The following MTMR3 variants were observed in gnomAD, a reference collection of about 807,000 sequenced individuals.
The protein encoded by MTMR3 is phosphatidylinositol-3,5-bisphosphate 3-phosphatase MTMR3.
A neutral mutation model predicts 132.4 loss-of-function variants in MTMR3; 32 were observed. The observed-to-expected ratio is 0.24, with a 90% confidence interval of 0.18 to 0.32. MTMR3 has a LOEUF of 0.32. MTMR3 is among the 10% of genes least tolerant of loss of function. The probability of loss-of-function intolerance (pLI) is 1.00; values close to 1 mark genes in which losing one functional copy is unlikely to be tolerated. For missense variants in MTMR3, 1,216 were observed against 1,489.6 expected, an observed-to-expected ratio of 0.82 and a Z score of 3.02; for synonymous variants, 556 against 550.3, an observed-to-expected ratio of 1.01 and a Z score of -0.14.
intron 17 of MTMR3, 141 bp downstream of exon 17, chr22:30,021,025 C>A: frequency 1.2e-6 from 1 of 851,176 alleles, no homozygotes; most frequent in Non-Finnish European, 1.8e-6. Flanking sequence ...TTAAGAGAGG[C>A]TGGAGATGAG....
intron 12 of MTMR3, chr22:30,009,418 G>T: frequency 3.1e-6 from 1 of 320,890 alleles, no homozygotes; most frequent in Non-Finnish European, 5.8e-6. Flanking sequence ...TTACCTTACT[G>T]TTTGTCCTGG....
intron 1 of MTMR3, among the ~76,000 whole-genome samples, chr22:29,900,377 C>T (rs765755259): frequency 2.0e-5 from 3 of 151,954 alleles, no homozygotes; most frequent in Admixed American, 1.3e-4. Flanking sequence ...GTGAAATTCA[C>T]GTAAAATAAT....
At chr22:29,930,887 G>C (rs1011297909) in intron 1 of MTMR3, among the ~76,000 whole-genome samples, 1 of 151,588 alleles carries the variant, frequency 6.6e-6, no homozygotes. Context: ...CGTGTGAATA[G>C]TGCCAGCTAC....
At chr22:30,021,750 T>G in intron 17 of MTMR3, 3 of 379,446 alleles carry the variant, frequency 7.9e-6, no homozygotes, top group East Asian at 4.7e-5. Flanking sequence ...TCTCATTCCA[T>G]TTTGGTCACT....
In MTMR3 at chr22:29,946,978, T is replaced by C. The variant is rs2065965538; in HGVS notation, c.-137-10058T>C. ...CCATTGAAAAAATAACTATATGCTTTAGAATATAGGGTTTAGGTTAGATTG... is the reference window on the plus strand; with the variant it reads ...CCATTGAAAAAATAACTATATGCTTCAGAATATAGGGTTTAGGTTAGATTG... On this transcript the variant is annotated intron_variant, in intron 1 of 19. Coordinates refer to ENST00000401950, the MANE Select transcript of MTMR3 (RefSeq NM_021090.4). Among the ~76,000 whole-genome samples the C allele has an allele frequency of 2.6e-5, 4 of 152,202 alleles. No homozygotes were observed. The South Asian group carries it at 8.3e-4, about 32-fold the overall frequency.
At position 29,949,154 on chromosome 22, in the gene MTMR3, C is replaced by A. The variant is rs1255241563; in HGVS notation, c.-137-7882C>A. On this transcript the variant is annotated intron_variant, in intron 1 of 19. Transcript: ENST00000401950. The stretch of plus-strand genomic sequence containing the variant: ...ACACACACACACACACCCCCCCCCC[C>A]CCCCCCGAGGCCCTGTCTTAAAACA... 6.7e-3 allele frequency among the ~76,000 whole-genome samples: 552 copies of A among 82,146 alleles called. 34 individuals are homozygous for A. Among genetic ancestry groups the A allele is most frequent in the African/African-American group, 0.022 (479 of 21,472 alleles). 53.9% of individuals were successfully genotyped at this position (82,146 alleles called of 152,430 possible).
chr22:29,985,828 AT>A (rs1383085384), intron 5 of MTMR3: 1 of 152,224 alleles, frequency 6.6e-6, no homozygotes, highest in African/African-American at 2.4e-5. Context: ...AGAAAAAAAT[AT>A]GTATATATTG....
chr22:29,952,949 AAAAT>A (rs1415137494), intron 1 of MTMR3, among the ~76,000 whole-genome samples: 1 of 152,228 alleles, frequency 6.6e-6, no homozygotes, highest in Non-Finnish European at 1.5e-5. Flanking sequence ...CAAGCTGAAA[AAAAT>A]CACCTAAAAT....
At chr22:29,991,447 T>TA in intron 6 of MTMR3, 57 bp from the exon 7 acceptor site, 1 of 1,502,984 alleles carries the variant, frequency 6.7e-7, no homozygotes, top group Non-Finnish European at 8.9e-7. Context: ...TGGCTTTTCT[T>TA]ACATTTCATT....
In MTMR3 at chr22:30,016,601, A is replaced by C. The variant is rs912146302; in HGVS notation, c.1577A>C (p.Glu526Ala). Residue 526 changes from glutamate to alanine, a missense_variant, in exon 15 of 20, where the codon GAA becomes GCA. Coordinates refer to ENST00000401950, the MANE Select transcript of MTMR3 (RefSeq NM_021090.4). ...TGCAACAACGCCAAGGAGAGAGGGG[A>C]AAAGCATACTCAGGAACGGACATGT... ...FLCNNAKERG[E>A]KHTQERTCSV... The C allele has an allele frequency of 2.0e-5, 32 of 1,614,054 alleles. No homozygotes were observed. Among genetic ancestry groups the C allele is most frequent in the Non-Finnish European group, 2.7e-5 (32 of 1,180,040 alleles).
chr22:29,981,667 C>T (rs2066746512), intron 5 of MTMR3: 1 of 151,524 alleles, frequency 6.6e-6, no homozygotes, highest in Non-Finnish European at 1.5e-5. Flanking sequence ...AACCCCATCT[C>T]TACTAAAAAT....
At chr22:29,939,653 GTTTTA>G (rs930834614) in intron 1 of MTMR3, among the ~76,000 whole-genome samples, 1 of 151,742 alleles carries the variant, frequency 6.6e-6, no homozygotes, top group Non-Finnish European at 1.5e-5. Context: ...TTACTTGACT[GTTTTA>G]TAAAATAAGA....
intron 1 of MTMR3, among the ~76,000 whole-genome samples, chr22:29,925,263 G>A (rs2065493197): frequency 6.6e-6 from 1 of 152,068 alleles, no homozygotes; most frequent in Non-Finnish European, 1.5e-5. Flanking sequence ...ACACTCCTGG[G>A]CTCAAGCAGT....
Position 30,020,125 on chromosome 22 carries a change from C to G in MTMR3, c.2466C>G (p.Thr822=). 1 of 1,614,208 alleles carries G rather than the reference C, an allele frequency of 6.2e-7. No individual in the cohort carries two copies. The highest frequency in any genetic ancestry group is 8.5e-7 in the Non-Finnish European group (1 of 1,180,046). The change falls in exon 17 of 20, where the codon ACC becomes ACG. Residue 822 remains threonine, a synonymous_variant. Transcript: ENST00000401950. ...TAGATGCAAAAGTTGGCTATGGTACCTCACAGTCATGTTCTCTGCTACCTT... is the reference window on the plus strand; with the variant it reads ...TAGATGCAAAAGTTGGCTATGGTACGTCACAGTCATGTTCTCTGCTACCTT... The part of the protein sequence containing the change: ...IPVDAKVGYG[T]SQSCSLLPSQ...
rs569337763 is a variant in MTMR3 at position 30,022,116 on chromosome 22, C to T, written c.3313C>T (p.Gln1105Ter). 2.8e-5 allele frequency: 45 copies of T among 1,613,806 alleles called. No homozygotes were observed. Among genetic ancestry groups the T allele is most frequent in the Non-Finnish European group, 3.6e-5 (42 of 1,179,774 alleles). ...TEIFSEASWE[Q>*]VDKQDTEMTR... The stretch of plus-strand genomic sequence containing the variant: ...GATTTTCTCTGAAGCCAGCTGGGAG[C>T]AGGTGGATAAACAGGACACAGAGGT... The change falls in exon 18 of 20, where the codon CAG becomes TAG. Residue 1105 changes from glutamine (Q) to a stop codon, truncating the protein, a stop_gained. Coordinates refer to ENST00000401950, the MANE Select transcript of MTMR3 (RefSeq NM_021090.4). LOFTEE classifies it high-confidence loss of function.
intron 1 of MTMR3, among the ~76,000 whole-genome samples, chr22:29,914,440 T>C (rs1046007758): frequency 1.3e-5 from 2 of 152,196 alleles, no homozygotes; most frequent in Admixed American, 6.5e-5. Context: ...TTAAAATAGG[T>C]TGTTTTTTGT....
intron 1 of MTMR3, among the ~76,000 whole-genome samples, chr22:29,893,678 C>T (rs751579354): frequency 6.6e-6 from 1 of 151,402 alleles, no homozygotes; most frequent in Non-Finnish European, 1.5e-5. Context: ...AACTAAGACA[C>T]TTATATATAG....
At chr22:29,914,800 G>A (rs2065278624) in intron 1 of MTMR3, among the ~76,000 whole-genome samples, 1 of 152,090 alleles carries the variant, frequency 6.6e-6, no homozygotes, top group South Asian at 2.1e-4. Flanking sequence ...TGTATATACT[G>A]TGAATATCTG....
rs947920440 is a variant in MTMR3, at chr22:30,007,243, G to A, written c.801G>A (p.Ser267=). Residue 267 remains serine, a synonymous_variant, in exon 10 of 20, where the codon TCG becomes TCA. Coordinates refer to ENST00000401950, the MANE Select transcript of MTMR3 (RefSeq NM_021090.4). ...VAKACASDSR[S]SGSKLSTRNT... ...AAGCTTGTGCCTCTGACTCCCGATC[G>A]AGTGGCAGCAAGCTGTCAACTAGGA... is the stretch of plus-strand genomic sequence containing the variant. 1.9e-6 allele frequency: 3 copies of A among 1,614,208 alleles called. No individual in the cohort carries two copies. Among genetic ancestry groups the A allele is most frequent in the African/African-American group, 1.3e-5 (1 of 75,064 alleles).
Sources: gnomAD v4.1 joint callset for allele counts (sites outside exome capture counted in the v4.1 genomes callset) on GRCh38, gnomAD v4.1.1 for gene constraint, MANE v1.5 for transcripts, NCBI Gene and HGNC (gene_info 2026-07-23, HGNC 2026-07-21) for gene names.